Variants in PARD3B observed in about 807,000 individuals in gnomAD.
The protein encoded by PARD3B is partitioning defective 3 homolog B.
Under a neutral mutation model 130.2 loss-of-function variants are expected in PARD3B, and 103 were observed. The ratio of observed to expected loss-of-function variants is 0.79; its 90% CI spans 0.67 to 0.93. The LOEUF (loss-of-function observed/expected upper bound fraction) is 0.93, where lower values mean the gene tolerates loss of function less well. PARD3B is among the 40% of genes least tolerant of loss of function. The pLI is 0.00. For synonymous variants in PARD3B, 583 were observed against 553.2 expected, an observed-to-expected ratio of 1.05 and a Z score of -0.76; for missense variants, 1,609 against 1,499.2, an observed-to-expected ratio of 1.07 and a Z score of -1.21.
At chr2:205,108,972 C>T (rs944565659) in intron 5 of PARD3B, among the ~76,000 whole-genome samples, 4 of 152,032 alleles carry the variant, frequency 2.6e-5, no homozygotes, top group African/African-American at 9.7e-5. Context: ...TAATACCTTG[C>T]ATTCACCGAG....
chr2:204,898,809 G>C (rs1242266666), intron 2 of PARD3B, among the ~76,000 whole-genome samples: 1 of 152,068 alleles, frequency 6.6e-6, no homozygotes, highest in Non-Finnish European at 1.5e-5. Context: ...CTTTGTGTTG[G>C]ATGCATATAT....
chr2:204,572,865 G>A (rs2125070112), intron 1 of PARD3B, among the ~76,000 whole-genome samples: 1 of 152,308 alleles, frequency 6.6e-6, no homozygotes, highest in Admixed American at 6.5e-5. Context: ...CTATAATTCT[G>A]TCTGATGGTG....
chr2:205,424,679 A>G (rs935781743), intron 19 of PARD3B, among the ~76,000 whole-genome samples: 2 of 152,044 alleles, frequency 1.3e-5, no homozygotes, highest in Admixed American at 6.6e-5. Context: ...TATTCTCTTT[A>G]TTTTTCCTGT....
chr2:204,800,262 CA>C (rs2042519650), intron 2 of PARD3B, among the ~76,000 whole-genome samples: 1 of 152,002 alleles, frequency 6.6e-6, no homozygotes, highest in South Asian at 2.1e-4. Context: ...TGGAGTCTCT[CA>C]AAAGCAAAAC....
intron 2 of PARD3B, among the ~76,000 whole-genome samples, chr2:204,728,154 T>C (rs980500644): frequency 2.6e-5 from 4 of 152,188 alleles, no homozygotes; most frequent in Non-Finnish European, 5.9e-5. Flanking sequence ...TTCTCCATCG[T>C]GAAGAGGCAG....
intron 2 of PARD3B, among the ~76,000 whole-genome samples, chr2:204,946,147 T>G (rs1689305207): frequency 6.6e-6 from 1 of 152,238 alleles, no homozygotes; most frequent in Non-Finnish European, 1.5e-5. Flanking sequence ...ATATTTATAT[T>G]GACTTGCATA....
intron 4 of PARD3B, among the ~76,000 whole-genome samples, chr2:205,066,729 A>G (rs1472693912): frequency 2.0e-5 from 3 of 152,168 alleles, no homozygotes; most frequent in African/African-American, 7.2e-5. Flanking sequence ...ATGAGGAAAC[A>G]TGTTTTTTCT....
At chr2:204,892,690 T>G (rs1297535784) in intron 2 of PARD3B, among the ~76,000 whole-genome samples, 1 of 152,138 alleles carries the variant, frequency 6.6e-6, no homozygotes, top group Non-Finnish European at 1.5e-5. Flanking sequence ...AGAGATGTGG[T>G]CAGATTCTGG....
At chr2:205,235,351 A>G (rs569100703) in intron 15 of PARD3B, among the ~76,000 whole-genome samples, 10 of 152,190 alleles carry the variant, frequency 6.6e-5, no homozygotes, top group African/African-American at 2.2e-4. Flanking sequence ...GAGCCTGGGA[A>G]GTCGACGCTG....
Position 204,943,549 on chromosome 2 carries a change from TA to T in PARD3B, c.223-21601del, listed in dbSNP as rs1411653553. Among the ~76,000 whole-genome samples the T allele has an allele frequency of 2.6e-5, 4 of 152,146 alleles. No homozygotes were observed. Among genetic ancestry groups the T allele is most frequent in the African/African-American group, 9.7e-5 (4 of 41,428 alleles). Reference sequence around the variant, plus strand: ...GTTTGAGGATCCTGCAAATTGCTCGTAATGGAGGTAAATGGCTTGTGCCATG... The same window carrying T: ...GTTTGAGGATCCTGCAAATTGCTCGTATGGAGGTAAATGGCTTGTGCCATG... On this transcript the variant is annotated intron_variant, in intron 2 of 22. Coordinates refer to ENST00000406610, the MANE Select transcript of PARD3B (RefSeq NM_001302769.2). This position sits in a 1 kb window ranked among gnomAD's most constrained non-coding sequence, Gnocchi z 4.2.
At chr2:205,501,693 G>A (rs528866257) in intron 21 of PARD3B, among the ~76,000 whole-genome samples, 2 of 152,262 alleles carry the variant, frequency 1.3e-5, no homozygotes, top group African/African-American at 2.4e-5. Flanking sequence ...TTTAGACAAA[G>A]TAGTCCTGGT....
intron 1 of PARD3B, among the ~76,000 whole-genome samples, chr2:204,578,109 G>A (rs1032632069): frequency 3.3e-5 from 5 of 152,202 alleles, no homozygotes; most frequent in Non-Finnish European, 7.3e-5. Flanking sequence ...CCAAATGTCG[G>A]TAGTACAGAG....
At chr2:205,227,116 G>C (rs139504988) in intron 15 of PARD3B, among the ~76,000 whole-genome samples, 2 of 152,090 alleles carry the variant, frequency 1.3e-5, no homozygotes, top group East Asian at 3.9e-4. Flanking sequence ...CTACCCTTCA[G>C]AATGATCTAC....
rs535375368 is a variant in PARD3B at position 205,562,465 on chromosome 2, G to A, written c.3260+9062G>A. Among the ~76,000 whole-genome samples, 1 of 152,266 alleles carries A rather than the reference G, an allele frequency of 6.6e-6. No homozygotes were observed. The highest frequency in any genetic ancestry group is 2.1e-4 in the South Asian group (1 of 4,814). ...AAACTGCTACACATTTGTTGGCTAA[G>A]TACTCTTTTGAGAGGAAGAGTATGT... is the stretch of plus-strand genomic sequence containing the variant. On this transcript the variant is annotated intron_variant, in intron 22 of 22. Coordinates refer to ENST00000406610, the MANE Select transcript of PARD3B (RefSeq NM_001302769.2). The surrounding 1 kb of genome is among the most constrained non-coding windows in gnomAD (Gnocchi z 5.4).
Position 205,026,003 on chromosome 2 carries a change from G to A in PARD3B, c.395-21578G>A, listed in dbSNP as rs936918274. ...CAAACATTTATACAGCCCGCGGTAC[G>A]CTAGGGTCTGAGCATACAACTGGGA... is the stretch of plus-strand genomic sequence containing the variant. On this transcript the variant is annotated intron_variant, in intron 3 of 22. Coordinates refer to ENST00000406610, the MANE Select transcript of PARD3B (RefSeq NM_001302769.2). Among the ~76,000 whole-genome samples the A allele has an allele frequency of 4.6e-5, 7 of 152,290 alleles. No homozygotes were observed. The South Asian group carries it at 6.2e-4, about 14-fold the overall frequency.
At chr2:205,500,076 G>A in intron 21 of PARD3B, 45 bp downstream of exon 21, 2 of 1,597,926 alleles carry the variant, frequency 1.3e-6, no homozygotes, top group Non-Finnish European at 8.6e-7. Context: ...TCTTTTCTAA[G>A]AATGTTTAGA....
chr2:205,411,972 C>T (rs1300503025), intron 19 of PARD3B, among the ~76,000 whole-genome samples: 1 of 152,184 alleles, frequency 6.6e-6, no homozygotes, highest in Non-Finnish European at 1.5e-5. Flanking sequence ...CTTGTAACCA[C>T]TGTCATTAAA....
intron 1 of PARD3B, among the ~76,000 whole-genome samples, chr2:204,570,738 A>T (rs766582700): frequency 6.6e-6 from 1 of 150,460 alleles, no homozygotes; most frequent in African/African-American, 2.4e-5. Flanking sequence ...ACTGAGGTGT[A>T]TGAGCTGTTG....
chr2:205,082,360 AC>A, intron 4 of PARD3B, among the ~76,000 whole-genome samples: 1 of 152,284 alleles, frequency 6.6e-6, no homozygotes, highest in African/African-American at 2.4e-5. Flanking sequence ...TAAATTATGC[AC>A]AGTAAGATTA....
Sources: allele counts gnomAD v4.1 joint callset (sites outside exome capture counted in the v4.1 genomes callset), GRCh38; gene constraint gnomAD v4.1.1; non-coding constraint Gnocchi (gnomAD v3.1); transcripts MANE v1.5; gene names NCBI Gene and HGNC (gene_info 2026-07-23, HGNC 2026-07-21).